Variants in RUBCN observed in about 807,000 individuals in gnomAD.
RUBCN encodes run domain Beclin-1-interacting and cysteine-rich domain-containing protein.
RUBCN carries 74 observed loss-of-function variants against 113.2 expected under a neutral mutation model. That is an observed-to-expected ratio of 0.65 (90% CI 0.54 to 0.79). RUBCN has a LOEUF of 0.79. Ranked by LOEUF, RUBCN falls within the 30% of genes least tolerant of loss-of-function variation. RUBCN has a pLI of 0.00. For synonymous variants in RUBCN, 480 were observed against 490.0 expected (o/e 0.98, Z 0.27); for missense variants, 1,109 against 1,251.7 (o/e 0.89, Z 1.72).
At chr3:197,726,085 C>T (rs1726713252) in intron 1 of RUBCN, among the ~76,000 whole-genome samples, 1 of 152,176 alleles carries the variant, frequency 6.6e-6, no homozygotes, top group Admixed American at 6.6e-5. Context: ...ATCTGACCCA[C>T]TATAGCTCCT....
rs1011681057 is a variant in RUBCN at position 197,692,211 on chromosome 3, C to G, written c.1786+1504G>C. Among the ~76,000 whole-genome samples the G allele has an allele frequency of 1.5e-4, 23 of 152,034 alleles. 1 individual carries two copies. The highest frequency in any genetic ancestry group is 1.5e-3 in the Admixed American group (23 of 15,256). Reference sequence around the variant, plus strand: ...CTATATAATGAAACTTCAATAAAAACTTGAACAATGATGTCCAGGCTTCCT... The same window carrying G: ...CTATATAATGAAACTTCAATAAAAAGTTGAACAATGATGTCCAGGCTTCCT... On this transcript the variant is annotated intron_variant, in intron 11 of 19. Coordinates refer to ENST00000296343, the MANE Select transcript of RUBCN (RefSeq NM_014687.4).
chr3:197,733,744 CTT>C (rs1366063209), intron 1 of RUBCN, among the ~76,000 whole-genome samples: 2 of 152,154 alleles, frequency 1.3e-5, no homozygotes, highest in African/African-American at 4.8e-5. Flanking sequence ...ACGGGAGTGA[CTT>C]TGTGAGGATA....
At chr3:197,682,731 CA>C in intron 13 of RUBCN, 116 bp from the exon 14 acceptor site, 1 of 1,359,212 alleles carries the variant, frequency 7.4e-7, no homozygotes, top group Non-Finnish European at 1.0e-6. Context: ...GGTAAGTTCA[CA>C]CGGACGGGCT....
At chr3:197,687,286 A>T (rs886692682) in intron 11 of RUBCN, among the ~76,000 whole-genome samples, 1 of 152,256 alleles carries the variant, frequency 6.6e-6, no homozygotes, top group Non-Finnish European at 1.5e-5. Flanking sequence ...AAAAGTAATT[A>T]AAAAAGGGAT....
intron 12 of RUBCN, 42 bp downstream of exon 12, chr3:197,684,115 T>A (rs1560411509): frequency 6.8e-7 from 1 of 1,473,754 alleles, no homozygotes; most frequent in Admixed American, 1.7e-5. Flanking sequence ...CTACATATCC[T>A]AAGGTTTTCT....
At chr3:197,718,908 T>C (rs1357793955) in intron 1 of RUBCN, among the ~76,000 whole-genome samples, 1 of 152,234 alleles carries the variant, frequency 6.6e-6, no homozygotes, top group Non-Finnish European at 1.5e-5. Flanking sequence ...ACTGTAGGAC[T>C]AAGGCGGTCA....
chr3:197,710,719 A>C (rs1724868784), intron 2 of RUBCN, among the ~76,000 whole-genome samples: 1 of 152,246 alleles, frequency 6.6e-6, no homozygotes, highest in South Asian at 2.1e-4. Flanking sequence ...GTAGGAAAAG[A>C]CTAAATCTAC....
chr3:197,678,880 C>T (rs1051986590), intron 16 of RUBCN, among the ~76,000 whole-genome samples: 6 of 148,594 alleles, frequency 4.0e-5, no homozygotes, highest in Admixed American at 6.7e-5. Flanking sequence ...TAACTGACAA[C>T]TGGCTCCAGA....
intron 1 of RUBCN, among the ~76,000 whole-genome samples, chr3:197,733,248 A>G (rs902645120): frequency 6.6e-6 from 1 of 152,216 alleles, no homozygotes; most frequent in African/African-American, 2.4e-5. Flanking sequence ...CAAGGCAGCA[A>G]GATCCCTTGA....
At chr3:197,712,588 G>T (rs1051184797) in intron 2 of RUBCN, among the ~76,000 whole-genome samples, 4 of 152,166 alleles carry the variant, frequency 2.6e-5, no homozygotes, top group African/African-American at 7.2e-5. Context: ...GAACAGAGCA[G>T]CAAGGAAACC....
intron 1 of RUBCN, among the ~76,000 whole-genome samples, chr3:197,726,059 A>G (rs1315431609): frequency 6.6e-6 from 1 of 152,130 alleles, no homozygotes; most frequent in Non-Finnish European, 1.5e-5. Context: ...AACTTTCTCT[A>G]AAAAGGTTCT....
At chr3:197,695,758 TCTTTA>T (rs1722930983) in intron 9 of RUBCN, 103 bp downstream of exon 9, 1 of 992,464 alleles carries the variant, frequency 1.0e-6, no homozygotes, top group Non-Finnish European at 1.6e-6. Context: ...CGTGAACTTA[TCTTTA>T]CTGTAATCTA....
upstream of RUBCN, among the ~76,000 whole-genome samples, chr3:197,740,401 G>A (rs1208606351): frequency 3.3e-5 from 5 of 150,236 alleles, no homozygotes; most frequent in South Asian, 2.1e-4. Context: ...CCTGGGAGGC[G>A]GAGGTTGCAG....
chr3:197,721,723 T>C (rs1298970874), intron 1 of RUBCN, among the ~76,000 whole-genome samples: 2 of 152,150 alleles, frequency 1.3e-5, no homozygotes, highest in African/African-American at 2.4e-5. Flanking sequence ...AGATGTTAAT[T>C]GCTATTTTCT....
chr3:197,739,872 C>T (rs528723166), upstream of RUBCN, among the ~76,000 whole-genome samples: 16 of 152,174 alleles, frequency 1.1e-4, no homozygotes, highest in South Asian at 4.1e-4. Flanking sequence ...TCTGTCTCTA[C>T]TAAAAATACA....
rs1376695533 is a variant in RUBCN, at chr3:197,703,556, C to T, written c.562G>A (p.Ala188Thr). Residue 188 changes from alanine to threonine, a missense_variant, in exon 5 of 20, where the codon GCG becomes ACG. This residue lies in a region of RUBCN where 736 missense variants were observed against 779.6 expected (regional missense o/e 0.94). Coordinates refer to ENST00000296343, the MANE Select transcript of RUBCN (RefSeq NM_014687.4). ...TTCCTTGTCCCCTGTACCATGGACG[C>T]ATCGATCTGAGCCAGGAGGCGGGGG... is the stretch of plus-strand genomic sequence containing the variant. ...NNPRLLAQID[A>T]SMFARKHESP... is the part of the protein sequence containing the mutation. 1.2e-6 allele frequency: 2 copies of T among 1,609,826 alleles called. No homozygotes were observed. The highest frequency in any genetic ancestry group is 1.7e-6 in the Non-Finnish European group (2 of 1,176,152).
At chr3:197,710,112 G>A (rs913565668) in intron 2 of RUBCN, among the ~76,000 whole-genome samples, 1 of 151,704 alleles carries the variant, frequency 6.6e-6, no homozygotes, top group Non-Finnish European at 1.5e-5. Flanking sequence ...GGAGGTTGCA[G>A]TGAGCTGAGA....
rs2108885342 is a variant in RUBCN at position 197,694,597 on chromosome 3, A to G, written c.1474-12T>C. 1.2e-6 allele frequency: 2 copies of G among 1,610,552 alleles called. No homozygotes were observed. The highest frequency in any genetic ancestry group is 1.1e-5 in the South Asian group (1 of 91,000). On this transcript the variant is annotated splice_polypyrimidine_tract_variant and intron_variant, in intron 9 of 19. Coordinates refer to ENST00000296343, the MANE Select transcript of RUBCN (RefSeq NM_014687.4). The stretch of plus-strand genomic sequence containing the variant: ...AAGTGGGCATTCTCCTGGCGGAAGG[A>G]GAGCACCAAACAGGCAAAGGGTTAG...
At position 197,696,935 on chromosome 3, in the gene RUBCN, T is replaced by G. The variant is rs373772467; in HGVS notation, c.1357+19A>C. On this transcript the variant is annotated intron_variant, in intron 8 of 19. Transcript: ENST00000296343. ...CAGAGAAAATATACAATTTTAGCCC[T>G]GGCCTTCCTAGTACTCACCATATTC... 6.3e-5 allele frequency: 87 copies of G among 1,371,876 alleles called. No individual in the cohort carries two copies. In the African/African-American group the frequency reaches 1.2e-3, roughly 18 times the overall value. The allele number at this position is 1,371,876 out of a possible 1,614,324, so 85.0% of individuals were successfully genotyped here.
Sources: gnomAD v4.1 joint callset for allele counts (sites outside exome capture counted in the v4.1 genomes callset) on GRCh38, gnomAD v4.1.1 for gene constraint, gnomAD v4.1.1 regional missense constraint, MANE v1.5 for transcripts, NCBI Gene and HGNC (gene_info 2026-07-23, HGNC 2026-07-21) for gene names.